Variants in CD34 observed in about 807,000 individuals in gnomAD.
CD34 encodes the protein CD34 molecule, also known as hematopoietic progenitor cell antigen CD34.
Under a neutral mutation model 40.1 loss-of-function variants are expected in CD34, and 34 were observed. The ratio of observed to expected loss-of-function variants is 0.85; its 90% confidence interval spans 0.65 to 1.13. The LOEUF is 1.13. CD34 is among the 50% of genes most tolerant of loss of function. CD34 has a pLI of 0.00. For synonymous variants in CD34, 209 were observed against 190.0 expected, an observed-to-expected ratio of 1.10 and a Z score of -0.82; for missense variants, 426 against 466.9, an observed-to-expected ratio of 0.91 and a Z score of 0.81.
intron 4 of CD34, among the ~76,000 whole-genome samples, chr1:207,891,007 T>C (rs778439467): frequency 4.6e-5 from 7 of 152,164 alleles, no homozygotes; most frequent in Non-Finnish European, 8.8e-5. Flanking sequence ...GAGCCTTACA[T>C]GGCTTCCCCT....
rs1431185284 is a variant in CD34, at chr1:207,910,954, C to T, written c.79+48G>A. The T allele has an allele frequency of 2.6e-6, 4 of 1,526,098 alleles. No individual in the cohort carries two copies. The African/African-American group carries it at 4.1e-5, about 16-fold the overall frequency. The allele number at this position is 1,526,098 out of a possible 1,614,324, so 94.5% of individuals were successfully genotyped here. On this transcript the variant is annotated intron_variant, in intron 1 of 7. Coordinates refer to ENST00000310833, the MANE Select transcript of CD34 (RefSeq NM_001025109.2). ...GTTCAGCCTCCCAGAAAGCCTCCAC[C>T]CTCCCCGCGGCGAAGCCAAGCGGCC...
intron 4 of CD34, among the ~76,000 whole-genome samples, chr1:207,892,776 T>C (rs1420070028): frequency 6.6e-6 from 1 of 152,150 alleles, no homozygotes; most frequent in Non-Finnish European, 1.5e-5. Context: ...TAAGTGTGTG[T>C]TGGGGGGAGT....
At chr1:207,902,635 T>C (rs1168377154) in intron 1 of CD34, among the ~76,000 whole-genome samples, 1 of 152,156 alleles carries the variant, frequency 6.6e-6, no homozygotes, top group Non-Finnish European at 1.5e-5. Flanking sequence ...GGGGACCCCA[T>C]CTGGTCCACC....
intron 3 of CD34, 102 bp downstream of exon 3, chr1:207,898,871 C>T (rs1334097939): frequency 7.9e-6 from 10 of 1,265,906 alleles, no homozygotes; most frequent in Non-Finnish European, 1.1e-5. Context: ...TGACCCAAAT[C>T]CCACTGGCAG....
rs1235925185 is a variant in CD34 at position 207,884,278 on chromosome 1, T to G, written c.*3460A>C. 6.6e-6 allele frequency: 1 copy of G among 152,254 alleles called. No individual in the cohort carries two copies. The highest frequency in any genetic ancestry group is 1.5e-5 in the Non-Finnish European group (1 of 68,048). The allele number at this position is 152,254 out of a possible 1,614,324, so 9.4% of individuals were successfully genotyped here. A position where few individuals can be genotyped will look rare whatever the true frequency, so the allele number is the denominator to read the frequency against. On this transcript the variant is annotated 3_prime_UTR_variant, in exon 8 of 8. Coordinates refer to ENST00000310833, the MANE Select transcript of CD34 (RefSeq NM_001025109.2). ...CCATATGTAAAATACCAACCATTATTCTCAATATATTTTATGTTTTTCATA... is the reference window on the plus strand; with the variant it reads ...CCATATGTAAAATACCAACCATTATGCTCAATATATTTTATGTTTTTCATA...
intron 4 of CD34, among the ~76,000 whole-genome samples, chr1:207,895,915 T>C (rs1041635335): frequency 2.6e-5 from 4 of 152,226 alleles, no homozygotes; most frequent in Non-Finnish European, 2.9e-5. Context: ...TACTTGTACA[T>C]TGTATGTTCA....
intron 3 of CD34, 96 bp downstream of exon 3, chr1:207,898,877 G>T: frequency 7.7e-7 from 1 of 1,299,748 alleles, no homozygotes; most frequent in Non-Finnish European, 1.1e-6. Flanking sequence ...AAATCCCACT[G>T]GCAGGGATGA....
At chr1:207,907,274 C>A (rs747219276) in intron 1 of CD34, among the ~76,000 whole-genome samples, 26 of 152,276 alleles carry the variant, frequency 1.7e-4, no homozygotes, top group Non-Finnish European at 3.2e-4. Context: ...CCATCCTCCA[C>A]CCACCACTGT....
chr1:207,889,012 C>T, intron 6 of CD34, 149 bp downstream of exon 6: 1 of 864,392 alleles, frequency 1.2e-6, no homozygotes, highest in Non-Finnish European at 1.9e-6. Context: ...TTCAGTCATA[C>T]CCCACCATTT....
In CD34 at chr1:207,887,797, C is replaced by T. The variant is rs28362497; in HGVS notation, c.1099G>A (p.Ala367Thr). The T allele has an allele frequency of 6.2e-7, 1 of 1,614,182 alleles. No individual in the cohort carries two copies. Among genetic ancestry groups the T allele is most frequent in the South Asian group, 1.1e-5 (1 of 91,080 alleles). ...RGAQENGTGQ[A>T]TSRNGHSARQ... ...GCTGAATGGCCGTTTCTGGAGGTGG[C>T]CTGGCCGGTCCCGTTTTCCTGAGCC... is the stretch of plus-strand genomic sequence containing the variant. Residue 367 changes from alanine to threonine, a missense_variant, in exon 8 of 8, where the codon GCC becomes ACC. Transcript: ENST00000310833.
rs575826567 is a variant in CD34, at chr1:207,903,050, A to G, written c.80-3047T>C. 1.5e-4 allele frequency among the ~76,000 whole-genome samples: 23 copies of G among 152,292 alleles called. No homozygotes were observed. In the South Asian group the frequency reaches 4.8e-3, roughly 32 times the overall value. On this transcript the variant is annotated intron_variant, in intron 1 of 7. Coordinates refer to ENST00000310833, the MANE Select transcript of CD34 (RefSeq NM_001025109.2). ...GACAAGTGGGAGGGCAGAAAGACCA[A>G]ACTGAGTGACTGGAAATGCCTGAGC...
At chr1:207,888,904 C>A (rs1007543873) in intron 6 of CD34, 58 bp from the exon 7 acceptor site, 1 of 1,536,740 alleles carries the variant, frequency 6.5e-7, no homozygotes, top group Admixed American at 1.7e-5. Flanking sequence ...GAGCCCAGCC[C>A]GCTCCAGCCC....
chr1:207,900,370 C>A (rs760638292), intron 1 of CD34, among the ~76,000 whole-genome samples: 1 of 152,014 alleles, frequency 6.6e-6, no homozygotes, highest in Non-Finnish European at 1.5e-5. Flanking sequence ...ACTGTAGCAA[C>A]GTGGAACTAT....
intron 4 of CD34, among the ~76,000 whole-genome samples, chr1:207,893,069 C>A (rs941326082): frequency 2.0e-4 from 31 of 152,150 alleles, no homozygotes; most frequent in Admixed American, 1.8e-3. Context: ...ACATCCTCCC[C>A]CAAGAGAGGC....
At chr1:207,888,122 G>A (rs1361230617) in intron 7 of CD34, 199 bp from the exon 8 acceptor site, 7 of 1,613,908 alleles carry the variant, frequency 4.3e-6, no homozygotes, top group South Asian at 1.1e-5. Flanking sequence ...CCAGCTCCTA[G>A]AGGAGAAAGG....
rs1661817330 is a variant in CD34, at chr1:207,881,858, A to G, written c.*5880T>C. 6.6e-6 allele frequency: 1 copy of G among 152,208 alleles called. No homozygotes were observed. Among genetic ancestry groups the G allele is most frequent in the South Asian group, 2.1e-4 (1 of 4,836 alleles). 9.4% of individuals were successfully genotyped at this position (152,208 alleles called of 1,614,324 possible). On this transcript the variant is annotated 3_prime_UTR_variant, in exon 8 of 8. Transcript: ENST00000310833. ...ATTGTTATTTTTAAACAAATTAATA[A>G]ATAAAATTTTCTCAATTTTAATTTT... is the stretch of plus-strand genomic sequence containing the variant.
At position 207,882,904 on chromosome 1, in the gene CD34, C is replaced by T. The variant is rs1231775896; in HGVS notation, c.*4834G>A. 1 of 152,220 alleles carries T rather than the reference C, an allele frequency of 6.6e-6. No individual in the cohort carries two copies. The highest frequency in any genetic ancestry group is 2.1e-4 in the South Asian group (1 of 4,832). The allele number at this position is 152,220 out of a possible 1,614,324, so 9.4% of individuals were successfully genotyped here. A position where few individuals can be genotyped will look rare whatever the true frequency, so the allele number is the denominator to read the frequency against. On this transcript the variant is annotated 3_prime_UTR_variant, in exon 8 of 8. Coordinates refer to ENST00000310833, the MANE Select transcript of CD34 (RefSeq NM_001025109.2). ...AGCTTCCTATACCATAGCACTTACACTCAATGCATATTGTTCTGTCATCTG... is the reference window on the plus strand; with the variant it reads ...AGCTTCCTATACCATAGCACTTACATTCAATGCATATTGTTCTGTCATCTG...
chr1:207,903,859 C>A (rs1308568218), intron 1 of CD34, among the ~76,000 whole-genome samples: 1 of 152,158 alleles, frequency 6.6e-6, no homozygotes, highest in Non-Finnish European at 1.5e-5. Context: ...AAAACTCACA[C>A]CAGTTTTCTT....
chr1:207,898,712 G>A (rs73072979), intron 3 of CD34, among the ~76,000 whole-genome samples: 21,616 of 152,248 alleles, frequency 0.14, 2,611 homozygotes, highest in African/African-American at 0.32. Context: ...AGGATTGGAT[G>A]GATCTCTGAG....
Sources: gnomAD v4.1 joint callset for allele counts (sites outside exome capture counted in the v4.1 genomes callset) on GRCh38, gnomAD v4.1.1 for gene constraint, MANE v1.5 for transcripts, NCBI Gene and HGNC (gene_info 2026-07-23, HGNC 2026-07-21) for gene names.